Variants in MPZL1 observed in about 807,000 individuals in gnomAD.
MPZL1 encodes myelin protein zero like 1, also known as myelin protein zero-like protein 1.
In MPZL1, 16 loss-of-function variants were observed where a neutral mutation model predicts 29.3. The ratio of observed to expected loss-of-function variants is 0.55; its 90% CI spans 0.37 to 0.83. The LOEUF (loss-of-function observed/expected upper bound fraction) is 0.83, where lower values mean the gene tolerates loss of function less well. MPZL1 is among the 40% of genes least tolerant of loss of function. The pLI is 0.00. For synonymous variants in MPZL1, 143 were observed against 132.0 expected, an observed-to-expected ratio of 1.08 and a Z score of -0.57; for missense variants, 279 against 332.9, an observed-to-expected ratio of 0.84 and a Z score of 1.26.
At chr1:167,780,196 T>A (rs1661467286) in intron 5 of MPZL1, among the ~76,000 whole-genome samples, 1 of 151,976 alleles carries the variant, frequency 6.6e-6, no homozygotes, top group South Asian at 2.1e-4. Context: ...GAGCAAAGGG[T>A]AGATGGGGCA....
chr1:167,722,714 C>T (rs1660062596), intron 1 of MPZL1, among the ~76,000 whole-genome samples: 1 of 152,182 alleles, frequency 6.6e-6, no homozygotes. Context: ...TGATTTGTTT[C>T]CTGTTAAGCC....
At chr1:167,767,859 G>GTTTTGT (rs1164917082) in intron 2 of MPZL1, among the ~76,000 whole-genome samples, 1 of 35,680 alleles carries the variant, frequency 2.8e-5, no homozygotes, top group Non-Finnish European at 4.1e-5. Context: ...TAATCATTTT[G>GTTTTGT]TTTTGTTTTG....
intron 2 of MPZL1, among the ~76,000 whole-genome samples, chr1:167,767,090 G>C (rs994854200): frequency 3.9e-5 from 6 of 152,202 alleles, no homozygotes; most frequent in Non-Finnish European, 4.4e-5. Flanking sequence ...GCCAGTGTTT[G>C]CTCCCTTGGG....
intron 5 of MPZL1, among the ~76,000 whole-genome samples, chr1:167,777,194 G>A (rs746979034): frequency 1.1e-4 from 17 of 152,176 alleles, no homozygotes; most frequent in Non-Finnish European, 1.3e-4. Context: ...GAATATGGTT[G>A]TAAATGAAGA....
intron 1 of MPZL1, among the ~76,000 whole-genome samples, chr1:167,733,915 GAT>G (rs1037976296): frequency 2.0e-5 from 3 of 150,226 alleles, no homozygotes; most frequent in Admixed American, 6.6e-5. Context: ...AAAAAAAAAA[GAT>G]ATGTCCTCTG....
intron 5 of MPZL1, among the ~76,000 whole-genome samples, chr1:167,780,373 T>TTTTAA (rs2101797285): frequency 6.6e-6 from 1 of 152,270 alleles, no homozygotes; most frequent in Admixed American, 6.5e-5. Context: ...AATAAAAAGA[T>TTTTAA]CCAGGTAGGT....
chr1:167,759,627 A>G (rs947433764), intron 1 of MPZL1, among the ~76,000 whole-genome samples: 44 of 152,364 alleles, frequency 2.9e-4, no homozygotes, highest in African/African-American at 1.0e-3. Flanking sequence ...GCTGTGTGCA[A>G]GGAAACCATG....
intron 1 of MPZL1, among the ~76,000 whole-genome samples, chr1:167,758,154 C>CAA (rs773312752): frequency 6.8e-5 from 7 of 103,366 alleles, no homozygotes; most frequent in African/African-American, 1.4e-4. Context: ...ATTCTTGTCT[C>CAA]AAAAAAAAAA....
chr1:167,756,978 A>G (rs1202004691), intron 1 of MPZL1, among the ~76,000 whole-genome samples: 2 of 152,200 alleles, frequency 1.3e-5, no homozygotes, highest in Non-Finnish European at 2.9e-5. Context: ...GGCCTGAAGC[A>G]TAACTTTAGA....
At position 167,776,270 on chromosome 1, in the gene MPZL1, A is replaced by G. The variant is rs1217481819; in HGVS notation, c.708+104A>G. 1.4e-5 allele frequency: 10 copies of G among 712,404 alleles called. No homozygotes were observed. The East Asian group carries it at 2.8e-4, about 20-fold the overall frequency. 44.1% of individuals were successfully genotyped at this position (712,404 alleles called of 1,614,324 possible). On this transcript the variant is annotated intron_variant, in intron 5 of 5. Transcript: ENST00000359523. The stretch of plus-strand genomic sequence containing the variant: ...GAATACTGAGCTATGAGAGACAGAG[A>G]CAGAGACAGACAGACAGAGACAAAG...
chr1:167,767,432 G>A (rs930628383), intron 2 of MPZL1, among the ~76,000 whole-genome samples: 1 of 152,186 alleles, frequency 6.6e-6, no homozygotes, highest in Non-Finnish European at 1.5e-5. Context: ...ATTTATGCTG[G>A]AAACAGTCTT....
At chr1:167,731,660 G>A (rs975067577) in intron 1 of MPZL1, among the ~76,000 whole-genome samples, 14 of 151,622 alleles carry the variant, frequency 9.2e-5, no homozygotes, top group African/African-American at 1.9e-4. Flanking sequence ...GGATGGTCTC[G>A]ATTTCCTGAC....
At chr1:167,723,669 C>T (rs1434289353) in intron 1 of MPZL1, among the ~76,000 whole-genome samples, 2 of 152,076 alleles carry the variant, frequency 1.3e-5, no homozygotes, top group Non-Finnish European at 2.9e-5. Flanking sequence ...GGGTATTAAA[C>T]GTAGAAGGAG....
intron 2 of MPZL1, chr1:167,766,015 A>C (rs776820092): frequency 5.0e-5 from 13 of 261,306 alleles, no homozygotes; most frequent in Non-Finnish European, 6.5e-5. Context: ...GACTCTAATC[A>C]GGATTTATCC....
chr1:167,760,653 T>C (rs1660966238), intron 1 of MPZL1, among the ~76,000 whole-genome samples: 1 of 151,876 alleles, frequency 6.6e-6, no homozygotes, highest in Non-Finnish European at 1.5e-5. Flanking sequence ...GAGAAGACCA[T>C]GGAAAGGAAG....
At chr1:167,728,101 G>A (rs900346058) in intron 1 of MPZL1, among the ~76,000 whole-genome samples, 5 of 144,092 alleles carry the variant, frequency 3.5e-5, no homozygotes, top group African/African-American at 1.3e-4. Context: ...GTGCAGTCGC[G>A]CCATCTCGGC....
intron 5 of MPZL1, among the ~76,000 whole-genome samples, chr1:167,780,415 G>A (rs1661472841): frequency 6.6e-6 from 1 of 152,178 alleles, no homozygotes; most frequent in Non-Finnish European, 1.5e-5. Flanking sequence ...GAAATTGAAA[G>A]CAGAGTCTTG....
At chr1:167,760,026 T>A (rs1376176234) in intron 1 of MPZL1, among the ~76,000 whole-genome samples, 1 of 151,940 alleles carries the variant, frequency 6.6e-6, no homozygotes, top group Admixed American at 6.6e-5. Flanking sequence ...TTTAATGAGA[T>A]CTCTTTGGCC....
At chr1:167,763,859 A>G (rs1661050580) in intron 1 of MPZL1, among the ~76,000 whole-genome samples, 1 of 152,228 alleles carries the variant, frequency 6.6e-6, no homozygotes, top group African/African-American at 2.4e-5. Context: ...TTCGCAGAAA[A>G]AAAAATCTGC....
Sources: allele counts gnomAD v4.1 joint callset (sites outside exome capture counted in the v4.1 genomes callset), GRCh38; gene constraint gnomAD v4.1.1; transcripts MANE v1.5; gene names NCBI Gene and HGNC (gene_info 2026-07-23, HGNC 2026-07-21).